The following PPIP5K2 variants were observed in gnomAD, a reference collection of about 807,000 sequenced individuals.
PPIP5K2 encodes inositol hexakisphosphate and diphosphoinositol-pentakisphosphate kinase 2.
PPIP5K2 carries 105 observed loss-of-function variants against 154.6 expected under a neutral mutation model. The observed-to-expected ratio is 0.68, with a 90% CI of 0.58 to 0.80. PPIP5K2 has a LOEUF of 0.80. PPIP5K2 is among the 30% of genes least tolerant of loss of function. The pLI is 0.00. For missense variants in PPIP5K2, 992 were observed against 1,504.6 expected, an observed-to-expected ratio of 0.66 and a Z score of 5.64; for synonymous variants, 480 against 490.3, an observed-to-expected ratio of 0.98 and a Z score of 0.28.
At chr5:103,136,915 TATTA>T (rs1181168433) in intron 4 of PPIP5K2, 93 bp downstream of exon 4, 33 of 855,516 alleles carry the variant, frequency 3.9e-5, no homozygotes, top group South Asian at 1.8e-4. Flanking sequence ...GTTTTTGCAT[TATTA>T]ATTCATTGTA....
At chr5:103,128,602 G>T (rs984762577) in intron 1 of PPIP5K2, among the ~76,000 whole-genome samples, 1 of 151,984 alleles carries the variant, frequency 6.6e-6, no homozygotes, top group Admixed American at 6.6e-5. Flanking sequence ...ACTCATGGAC[G>T]CCTGGTTATG....
intron 2 of PPIP5K2, among the ~76,000 whole-genome samples, chr5:103,133,100 AG>A (rs1191917477): frequency 6.6e-6 from 1 of 152,200 alleles, no homozygotes; most frequent in Non-Finnish European, 1.5e-5. Context: ...TTCTACATAG[AG>A]TGGATGGGTT....
chr5:103,178,817 C>G (rs1449796696), intron 23 of PPIP5K2, among the ~76,000 whole-genome samples: 1 of 151,370 alleles, frequency 6.6e-6, no homozygotes, highest in Non-Finnish European at 1.5e-5. Context: ...ACTTTTGCAC[C>G]AAATAATTGT....
chr5:103,160,800 A>C (rs1554215374), intron 17 of PPIP5K2, among the ~76,000 whole-genome samples: 1 of 152,102 alleles, frequency 6.6e-6, no homozygotes, highest in Non-Finnish European at 1.5e-5. Flanking sequence ...GTTAGGATTA[A>C]AGTTGCCATG....
In PPIP5K2 at chr5:103,182,121, T is replaced by C. The variant is rs562310913; in HGVS notation, c.2923-1113T>C. 1.2e-4 allele frequency among the ~76,000 whole-genome samples: 18 copies of C among 152,254 alleles called. No individual in the cohort carries two copies. The South Asian group carries it at 2.9e-3, about 25-fold the overall frequency. On this transcript the variant is annotated intron_variant, in intron 24 of 30. Transcript: ENST00000358359. Reference sequence around the variant, plus strand: ...AATTAATATAACCTACACTACTATTTGTGTGAGGGCAGTGATTTTGATGTG... The same window carrying C: ...AATTAATATAACCTACACTACTATTCGTGTGAGGGCAGTGATTTTGATGTG...
intron 1 of PPIP5K2, among the ~76,000 whole-genome samples, chr5:103,123,186 T>C (rs183765651): frequency 5.3e-5 from 8 of 152,368 alleles, no homozygotes; most frequent in African/African-American, 1.7e-4. Flanking sequence ...GTGCTTAATA[T>C]GTGCTATTTG....
At position 103,149,261 on chromosome 5, in the gene PPIP5K2, T is replaced by C; in HGVS notation, c.854T>C (p.Ile285Thr). 1 of 1,613,894 alleles carries C rather than the reference T, an allele frequency of 6.2e-7. No homozygotes were observed. Among genetic ancestry groups the C allele is most frequent in the Non-Finnish European group, 8.5e-7 (1 of 1,179,840 alleles). Reference protein sequence around the residue: ...SEGKEVRYPVILNAREKLIAW... With the variant: ...SEGKEVRYPVTLNAREKLIAW... ...GGAAAAGAAGTAAGATACCCTGTTA[T>C]TCTCAATGCACGAGAGAAATTAATT... The change falls in exon 8 of 31, where the codon ATT becomes ACT. Residue 285 changes from isoleucine (I) to threonine (T), a missense_variant. Ile to Thr is a moderately conservative substitution (Grantham distance 89). Transcript: ENST00000358359.
At position 103,179,796 on chromosome 5, in the gene PPIP5K2, C is replaced by T. The variant is rs546723528; in HGVS notation, c.2755-225C>T. On this transcript the variant is annotated intron_variant, in intron 23 of 30. Coordinates refer to ENST00000358359, the MANE Select transcript of PPIP5K2 (RefSeq NM_001276277.3). ...TAATTGTCATTTTACTGTTTAATTT[C>T]TCCATAGAGTATATGTATTTTTGAA... is the stretch of plus-strand genomic sequence containing the variant. 3.9e-4 allele frequency among the ~76,000 whole-genome samples: 59 copies of T among 152,110 alleles called. 1 individual carries two copies. The South Asian group carries it at 0.012, about 30-fold the overall frequency.
intron 8 of PPIP5K2, 109 bp from the exon 9 acceptor site, chr5:103,151,144 A>C: frequency 1.2e-6 from 1 of 848,470 alleles, no homozygotes; most frequent in Non-Finnish European, 1.7e-6. Flanking sequence ...ACTATATAGT[A>C]ATATACTTTT....
intron 5 of PPIP5K2, among the ~76,000 whole-genome samples, chr5:103,140,540 A>G (rs915667794): frequency 2.2e-4 from 33 of 152,238 alleles, no homozygotes; most frequent in African/African-American, 7.5e-4. Flanking sequence ...CCAACCTAGA[A>G]TATTCTATTC....
At chr5:103,131,799 A>G (rs905829125) in intron 2 of PPIP5K2, among the ~76,000 whole-genome samples, 1 of 152,194 alleles carries the variant, frequency 6.6e-6, no homozygotes, top group African/African-American at 2.4e-5. Context: ...TTAAAAAATT[A>G]TCTTCATGAT....
Position 103,120,495 on chromosome 5 carries a change from G to T in PPIP5K2, c.-285+7G>T. The T allele has an allele frequency of 2.2e-6, 1 of 456,646 alleles. No individual in the cohort carries two copies. The highest frequency in any genetic ancestry group is 4.4e-6 in the Non-Finnish European group (1 of 226,954). The allele number at this position is 456,646 out of a possible 1,614,324, so 28.3% of individuals were successfully genotyped here. A position where few individuals can be genotyped will look rare whatever the true frequency, so the allele number is the denominator to read the frequency against. On this transcript the variant is annotated splice_region_variant and intron_variant, in intron 1 of 30. Transcript: ENST00000358359. ...ACGACCGCATTCGTGGCAGGTGAGG[G>T]CCCAAAACCGGAGGAGAACCGGAGA...
chr5:103,141,653 CT>C (rs1477573138), intron 5 of PPIP5K2, among the ~76,000 whole-genome samples: 5 of 152,178 alleles, frequency 3.3e-5, no homozygotes, highest in Non-Finnish European at 5.9e-5. Flanking sequence ...CACACAGGTT[CT>C]CCAAGGCCCC....
chr5:103,184,843 C>A, intron 26 of PPIP5K2, 99 bp downstream of exon 26: 1 of 823,856 alleles, frequency 1.2e-6, no homozygotes, highest in Non-Finnish European at 1.9e-6. Context: ...AAATGCTATG[C>A]TGTAGTTTTT....
At chr5:103,178,902 ATAAAT>A (rs1189560360) in intron 23 of PPIP5K2, among the ~76,000 whole-genome samples, 7 of 151,864 alleles carry the variant, frequency 4.6e-5, no homozygotes, top group South Asian at 2.1e-4. Flanking sequence ...TTTATTTATG[ATAAAT>A]TAAATTTCAT....
At position 103,209,265 on chromosome 5, in the gene PPIP5K2, T is replaced by C. The variant is rs1180163669; in HGVS notation, c.*7631T>C. 6.6e-6 allele frequency: 1 copy of C among 152,146 alleles called. No individual in the cohort carries two copies. The highest frequency in any genetic ancestry group is 2.4e-5 in the African/African-American group (1 of 41,440). 9.4% of individuals were successfully genotyped at this position (152,146 alleles called of 1,614,324 possible). A position where few individuals can be genotyped will look rare whatever the true frequency, so the allele number is the denominator to read the frequency against. On this transcript the variant is annotated 3_prime_UTR_variant, in exon 31 of 31. Coordinates refer to ENST00000358359, the MANE Select transcript of PPIP5K2 (RefSeq NM_001276277.3). Reference sequence around the variant, plus strand: ...CCTAATGCTCTTTTATGGCTGCTCCTGTTGCCAGGGCAACAGCCTGCCTAG... The same window carrying C: ...CCTAATGCTCTTTTATGGCTGCTCCCGTTGCCAGGGCAACAGCCTGCCTAG...
intron 5 of PPIP5K2, among the ~76,000 whole-genome samples, chr5:103,144,749 C>T (rs1473907349): frequency 3.3e-5 from 5 of 152,046 alleles, no homozygotes; most frequent in Non-Finnish European, 7.4e-5. Flanking sequence ...CTATCTCTCT[C>T]CATATACATA....
At chr5:103,177,528 A>G (rs1320289159) in intron 21 of PPIP5K2, 139 bp from the exon 22 acceptor site, 5 of 531,330 alleles carry the variant, frequency 9.4e-6, no homozygotes, top group African/African-American at 1.9e-5. Flanking sequence ...TAGTGGAATT[A>G]TTTTTTAAAA....
chr5:103,176,391 A>T (rs1798714585), intron 21 of PPIP5K2, among the ~76,000 whole-genome samples: 1 of 152,000 alleles, frequency 6.6e-6, no homozygotes, highest in Non-Finnish European at 1.5e-5. Flanking sequence ...AAACTCAGTA[A>T]TGCTAATTTA....
Sources: gnomAD v4.1 joint callset for allele counts (sites outside exome capture counted in the v4.1 genomes callset) on GRCh38, gnomAD v4.1.1 for gene constraint, MANE v1.5 for transcripts, NCBI Gene and HGNC (gene_info 2026-07-23, HGNC 2026-07-21) for gene names.